Variants in SLC25A21 observed in about 807,000 individuals in gnomAD.
SLC25A21 encodes mitochondrial 2-oxodicarboxylate carrier.
Under a neutral mutation model 43.8 loss-of-function variants are expected in SLC25A21, and 47 were observed. The observed-to-expected ratio is 1.07, with a 90% CI of 0.85 to 1.37. The LOEUF is 1.37. SLC25A21 is among the 40% of genes most tolerant of loss of function. The probability of loss-of-function intolerance (pLI) is 0.00; values close to 1 mark genes in which losing one functional copy is unlikely to be tolerated. For synonymous variants in SLC25A21, 131 were observed against 121.3 expected (o/e 1.08, Z -0.52); for missense variants, 352 against 350.2 (o/e 1.00, Z -0.04).
At chr14:36,748,642 A>G (rs1253424373) in intron 3 of SLC25A21, among the ~76,000 whole-genome samples, 1 of 152,302 alleles carries the variant, frequency 6.6e-6, no homozygotes. Flanking sequence ...GATTCAAAAC[A>G]CTTGAAAAAC....
At chr14:36,738,338 T>C (rs1885125480) in intron 3 of SLC25A21, among the ~76,000 whole-genome samples, 1 of 152,172 alleles carries the variant, frequency 6.6e-6, no homozygotes, top group African/African-American at 2.4e-5. Flanking sequence ...GCAAAAGAAC[T>C]GATGTTTATA....
At chr14:36,750,932 C>T (rs1052680412) in intron 3 of SLC25A21, among the ~76,000 whole-genome samples, 1 of 152,156 alleles carries the variant, frequency 6.6e-6, no homozygotes, top group African/African-American at 2.4e-5. Context: ...CTCTGGCCAT[C>T]TCTGGCCTCT....
At chr14:36,976,509 T>A (rs1959874957) in intron 1 of SLC25A21, among the ~76,000 whole-genome samples, 1 of 151,956 alleles carries the variant, frequency 6.6e-6, no homozygotes, top group African/African-American at 2.4e-5. Context: ...TGATTAGCAG[T>A]TCCTTAAGAG....
intron 4 of SLC25A21, among the ~76,000 whole-genome samples, chr14:36,734,116 G>C: frequency 6.6e-6 from 1 of 152,004 alleles, no homozygotes; most frequent in East Asian, 1.9e-4. Context: ...GAATGATTTA[G>C]GGAGAAAAGT....
intron 1 of SLC25A21, among the ~76,000 whole-genome samples, chr14:37,081,646 T>C (rs1298434657): frequency 1.3e-5 from 2 of 152,212 alleles, no homozygotes; most frequent in East Asian, 1.9e-4. Flanking sequence ...TGTTGCTTTA[T>C]ATTGCTTAGA....
chr14:36,815,000 T>C (rs1396957698), intron 2 of SLC25A21, among the ~76,000 whole-genome samples: 1 of 152,140 alleles, frequency 6.6e-6, no homozygotes, highest in African/African-American at 2.4e-5. Flanking sequence ...TAAAAAAGAA[T>C]GAGTTCACGT....
chr14:36,914,690 T>C (rs1431085310), intron 1 of SLC25A21, among the ~76,000 whole-genome samples: 1 of 152,144 alleles, frequency 6.6e-6, no homozygotes, highest in African/African-American at 2.4e-5. Context: ...AGTGCAAACA[T>C]TTGCAAATAG....
chr14:36,685,219 G>A (rs1309526333), intron 7 of SLC25A21, among the ~76,000 whole-genome samples: 1 of 152,116 alleles, frequency 6.6e-6, no homozygotes, highest in African/African-American at 2.4e-5. Flanking sequence ...TGTATAATTG[G>A]GCTTCACAAT....
intron 3 of SLC25A21, among the ~76,000 whole-genome samples, chr14:36,751,032 T>A (rs562567741): frequency 1.3e-5 from 2 of 152,310 alleles, no homozygotes; most frequent in Admixed American, 1.3e-4. Context: ...AGGGGCTTTG[T>A]TCCTCTGAGG....
At chr14:36,801,872 A>G (rs1270501699) in intron 3 of SLC25A21, among the ~76,000 whole-genome samples, 1 of 152,212 alleles carries the variant, frequency 6.6e-6, no homozygotes, top group East Asian at 1.9e-4. Flanking sequence ...GACAGAACAC[A>G]TTCAAAGCAT....
At chr14:36,976,340 T>C (rs1002195348) in intron 1 of SLC25A21, among the ~76,000 whole-genome samples, 1 of 152,154 alleles carries the variant, frequency 6.6e-6, no homozygotes, top group Admixed American at 6.5e-5. Context: ...CAAAATGTTG[T>C]CTGTGGACCT....
intron 1 of SLC25A21, among the ~76,000 whole-genome samples, chr14:37,022,882 G>A (rs772389253): frequency 5.9e-5 from 9 of 152,040 alleles, no homozygotes; most frequent in Non-Finnish European, 8.8e-5. Flanking sequence ...ACTGAATTGT[G>A]AGTCAACATT....
At chr14:37,049,412 A>C (rs529149572) in intron 1 of SLC25A21, among the ~76,000 whole-genome samples, 1 of 152,184 alleles carries the variant, frequency 6.6e-6, no homozygotes, top group East Asian at 1.9e-4. Flanking sequence ...CATCTCTACA[A>C]AAATTAAAAA....
chr14:36,678,341 A>C lies in SLC25A21; in HGVS notation c.*2317T>G. On this transcript the variant is annotated 3_prime_UTR_variant, in exon 10 of 10. Coordinates refer to ENST00000331299, the MANE Select transcript of SLC25A21 (RefSeq NM_030631.4). ...TTATAGAGAGCTTTGAACTGCATTT[A>C]TTTCTAAAGCAACCGAAATTCAGTG... 1.4e-6 allele frequency: 1 copy of C among 725,874 alleles called. No individual in the cohort carries two copies. The highest frequency in any genetic ancestry group is 1.8e-5 in the South Asian group (1 of 56,496). 45.0% of individuals were successfully genotyped at this position (725,874 alleles called of 1,614,324 possible).
At position 37,172,289 on chromosome 14, in the gene SLC25A21, C is replaced by T. The variant is rs200035848; in HGVS notation, c.62G>A (p.Gly21Asp). 5 of 1,597,360 alleles carry T rather than the reference C, an allele frequency of 3.1e-6. No homozygotes were observed. Among genetic ancestry groups the T allele is most frequent in the African/African-American group, 1.3e-5 (1 of 74,616 alleles). Reference sequence around the variant, plus strand: ...GGGCGGGCTGTCCTTACCTGCAGAACCACCGGCCACGATCTGCCGAGAAGC... The same window carrying T: ...GGGCGGGCTGTCCTTACCTGCAGAATCACCGGCCACGATCTGCCGAGAAGC... ...REASRQIVAG[G>D]SAGLVEICLM... The change falls in exon 1 of 10, where the codon GGT becomes GAT. Residue 21 changes from glycine (G) to aspartate (D), a missense_variant. Coordinates refer to ENST00000331299, the MANE Select transcript of SLC25A21 (RefSeq NM_030631.4).
At chr14:36,809,142 G>T (rs1325541) in intron 3 of SLC25A21, 63,575 of 151,940 alleles carry the variant, frequency 0.42, 13,747 homozygotes, top group East Asian at 0.69. Flanking sequence ...CAACGCTATT[G>T]GTTTTAAAGG....
chr14:37,066,813 A>G (rs1231574936), intron 1 of SLC25A21, among the ~76,000 whole-genome samples: 1 of 152,190 alleles, frequency 6.6e-6, no homozygotes, highest in East Asian at 1.9e-4. Flanking sequence ...AAATATTGAT[A>G]ATAGATGTAC....
chr14:36,874,743 T>C (rs1001152581), intron 2 of SLC25A21, among the ~76,000 whole-genome samples: 1 of 152,232 alleles, frequency 6.6e-6, no homozygotes, highest in Non-Finnish European at 1.5e-5. Context: ...ATAAAGGCAG[T>C]AAAATATTAC....
chr14:36,755,575 A>C (rs893760404), intron 3 of SLC25A21, among the ~76,000 whole-genome samples: 70 of 152,290 alleles, frequency 4.6e-4, no homozygotes, highest in African/African-American at 2.6e-4. Context: ...TGGTAATATC[A>C]AATTGCTTTA....
Sources: allele counts gnomAD v4.1 joint callset (sites outside exome capture counted in the v4.1 genomes callset), GRCh38; gene constraint gnomAD v4.1.1; transcripts MANE v1.5; gene names NCBI Gene and HGNC (gene_info 2026-07-23, HGNC 2026-07-21).